The following PRB3 variants were observed in gnomAD, a reference collection of about 807,000 sequenced individuals.
PRB3 encodes proline rich protein BstNI subfamily 3.
PRB3 carries 9 observed loss-of-function variants against 10.0 expected under a neutral mutation model. The ratio of observed to expected loss-of-function variants is 0.90; its 90% CI spans 0.54 to 1.57. PRB3 has a LOEUF of 1.57. PRB3 is among the 40% of genes most tolerant of loss of function. The pLI is 0.00. For missense variants in PRB3, 285 were observed against 385.5 expected (o/e 0.74, Z 2.18); for synonymous variants, 89 against 138.6 (o/e 0.64, Z 2.52).
At chr12:11,269,315 A>G (rs1033921720) in intron 1 of PRB3, among the ~76,000 whole-genome samples, 3 of 152,294 alleles carry the variant, frequency 2.0e-5, no homozygotes, top group African/African-American at 7.2e-5. Flanking sequence ...ACTTTCCTGA[A>G]TCTGCCTTGC....
intron 3 of PRB3, among the ~76,000 whole-genome samples, chr12:11,266,408 C>A (rs770467030): frequency 1.3e-5 from 2 of 152,176 alleles, no homozygotes; most frequent in Non-Finnish European, 2.9e-5. Flanking sequence ...TGCAGCCACA[C>A]AATGGAGTAG....
At chr12:11,268,169 G>C in intron 2 of PRB3, 21 bp from the exon 3 acceptor site, 1 of 1,612,738 alleles carries the variant, frequency 6.2e-7, no homozygotes, top group Non-Finnish European at 8.5e-7. Context: ...TGGACACACG[G>C]CATTCACTGA....
chr12:11,268,172 T>C, intron 2 of PRB3, 24 bp from the exon 3 acceptor site: 1 of 1,613,308 alleles, frequency 6.2e-7, no homozygotes, highest in Middle Eastern at 1.7e-4. Context: ...ACACACGGCA[T>C]TCACTGAATA....
chr12:11,269,679 G>T lies in PRB3; in HGVS notation c.-10C>A, dbSNP rs1045552373. ...GCAGAATCAGTAGCATCTTGCTGGAGGCTCTGGAGTCACTCCCAACTCTGT... is the reference window on the plus strand; with the variant it reads ...GCAGAATCAGTAGCATCTTGCTGGATGCTCTGGAGTCACTCCCAACTCTGT... On this transcript the variant is annotated 5_prime_UTR_variant, in exon 1 of 4. Coordinates refer to ENST00000538488, the MANE Select transcript of PRB3 (RefSeq NM_001394862.1). The T allele has an allele frequency of 3.7e-6, 6 of 1,613,824 alleles. No homozygotes were observed. Among genetic ancestry groups the T allele is most frequent in the Non-Finnish European group, 5.1e-6 (6 of 1,179,898 alleles).
At chr12:11,268,263 T>C in intron 2 of PRB3, 115 bp from the exon 3 acceptor site, 1 of 1,535,192 alleles carries the variant, frequency 6.5e-7, no homozygotes, top group Non-Finnish European at 9.0e-7. Context: ...TCTTTGCATT[T>C]TCAGTGAAGC....
chr12:11,266,800 G>A (rs1321992889), intron 3 of PRB3, among the ~76,000 whole-genome samples: 1 of 152,196 alleles, frequency 6.6e-6, no homozygotes, highest in African/African-American at 2.4e-5. Flanking sequence ...CCATTTGGCA[G>A]GAATACTGGA....
At chr12:11,268,785 T>A in intron 1 of PRB3, 117 bp from the exon 2 acceptor site, 1 of 1,249,576 alleles carries the variant, frequency 8.0e-7, no homozygotes, top group Non-Finnish European at 1.2e-6. Context: ...CTAGGTTAGC[T>A]CATCAGCTAC....
rs61463237 is a variant in PRB3 at position 11,268,159 on chromosome 12, T to TGGG, written c.101-12_101-11insCCC. 1,503,730 of 1,609,710 alleles carry TGGG rather than the reference T, an allele frequency of 0.93. 706,100 individuals are homozygous for TGGG. Among genetic ancestry groups the TGGG allele is most frequent in the Admixed American group, 0.96 (57,579 of 59,870 alleles). ...GTCCTTCTGGCTTTCCTGGAGGAGG[T>TGGG]GGACACACGGCATTCACTGAATAGT... On this transcript the variant is annotated splice_polypyrimidine_tract_variant and intron_variant, in intron 2 of 3. Coordinates refer to ENST00000538488, the MANE Select transcript of PRB3 (RefSeq NM_001394862.1).
At position 11,267,124 on chromosome 12, in the gene PRB3, T is replaced by C. The variant is rs1041323050; in HGVS notation, c.*17+52A>G. 7.3e-6 allele frequency: 11 copies of C among 1,506,880 alleles called. No homozygotes were observed. In the East Asian group the frequency reaches 2.5e-4, roughly 34 times the overall value. 93.3% of individuals were successfully genotyped at this position (1,506,880 alleles called of 1,614,324 possible). ...AGTTGATTCATTGGCACAATAAAGTTGGAGAACTGTAACACTTAGAGCACT... is the reference window on the plus strand; with the variant it reads ...AGTTGATTCATTGGCACAATAAAGTCGGAGAACTGTAACACTTAGAGCACT... On this transcript the variant is annotated intron_variant, in intron 3 of 3. Transcript: ENST00000538488.
chr12:11,268,807 C>G, intron 1 of PRB3, 139 bp from the exon 2 acceptor site: 1 of 1,082,102 alleles, frequency 9.2e-7, no homozygotes, highest in Non-Finnish European at 1.4e-6. Context: ...ATCTGTGAAG[C>G]TGCTGGAAGG....
chr12:11,269,465 G>A, intron 1 of PRB3, 141 bp downstream of exon 1: 6 of 948,386 alleles, frequency 6.3e-6, no homozygotes, highest in Non-Finnish European at 1.0e-5. Flanking sequence ...TGGAATGAGG[G>A]CACAACAGGT....
chr12:11,267,368 T>G lies in PRB3; in HGVS notation c.881A>C (p.Gln294Pro), dbSNP rs749750008. ...GGGACGTTGAGGTTTGTTACCTTCT[T>G]GTGGGGGTGGTCCTTGTGGCTTTCC... ...HPGKPQGPPP[Q>P]EGNKPQRPPP... Residue 294 changes from glutamine (Q) to proline (P), a missense_variant, in exon 3 of 4, where the codon CAA becomes CCA. Around this residue, in one of 3 missense-constraint regions of PRB3, gnomAD observed 108 missense variants for 106.9 expected, o/e 1.01. Transcript: ENST00000538488. 1 of 1,548,752 alleles carries G rather than the reference T, an allele frequency of 6.5e-7. No homozygotes were observed. The highest frequency in any genetic ancestry group is 1.5e-5 in the African/African-American group (1 of 67,036).
rs1361013969 is a variant in PRB3 at position 11,267,267 on chromosome 12, T to C, written c.982A>G (p.Lys328Glu). Residue 328 changes from lysine to glutamate, a missense_variant, in exon 3 of 4, where the codon AAG becomes GAG. By Grantham distance (56) the Lys-to-Glu change is moderately conservative. Transcript: ENST00000538488. The part of the protein sequence containing the change: ...PQQPLPPPAG[K>E]PQGPPPPPQG... ...GGAGGTGGAGGTGGTCCCTGGGGCT[T>C]TCCAGCGGGAGGTGGCAGAGGCTGC... The C allele has an allele frequency of 3.1e-6, 5 of 1,613,412 alleles. No individual in the cohort carries two copies. The highest frequency in any genetic ancestry group is 4.2e-6 in the Non-Finnish European group (5 of 1,179,658).
In PRB3 at chr12:11,267,781, CGGGGG is replaced by C; in HGVS notation, c.463_467del (p.Pro155AlafsTer141). On this transcript the variant is annotated frameshift_variant, in exon 3 of 4. Coordinates refer to ENST00000538488, the MANE Select transcript of PRB3 (RefSeq NM_001394862.1). LOFTEE classifies it low-confidence loss of function (END_TRUNC). ...GTCCTTCTGGCTTTCCCGGACGAGGCGGGGGACCTTGGGACTGGTTTCCTCCTTGT... is the reference window on the plus strand; with the variant it reads ...GTCCTTCTGGCTTTCCCGGACGAGGCACCTTGGGACTGGTTTCCTCCTTGT... 1.3e-5 allele frequency: 2 copies of C among 155,310 alleles called. No homozygotes were observed. The highest frequency in any genetic ancestry group is 7.8e-5 in the South Asian group (2 of 25,526). The allele number at this position is 155,310 out of a possible 1,614,324, so 9.6% of individuals were successfully genotyped here.
chr12:11,268,741 G>A (rs1005893060), intron 1 of PRB3, 73 bp from the exon 2 acceptor site: 27 of 1,507,622 alleles, frequency 1.8e-5, no homozygotes, highest in Non-Finnish European at 2.5e-5. Flanking sequence ...GTTCTACAGG[G>A]AAAGGGGACT....
At chr12:11,267,072 A>G (rs556860265) in intron 3 of PRB3, 104 bp downstream of exon 3, 17 of 1,167,310 alleles carry the variant, frequency 1.5e-5, no homozygotes, top group African/African-American at 3.0e-5. Flanking sequence ...AATGGGTTCT[A>G]GGACAATACA....
chr12:11,268,454 TTGG>T (rs923915842), intron 2 of PRB3, among the ~76,000 whole-genome samples, 176 bp downstream of exon 2: 1 of 152,148 alleles, frequency 6.6e-6, no homozygotes, highest in African/African-American at 2.4e-5. Context: ...GCCATTCAAT[TTGG>T]TGGCCCTGCT....
intron 2 of PRB3, 47 bp downstream of exon 2, chr12:11,268,586 A>C (rs1208804617): frequency 1.9e-6 from 3 of 1,558,308 alleles, no homozygotes; most frequent in Non-Finnish European, 1.8e-6. Context: ...TCCATTCATA[A>C]GCAGAAGAAG....
At chr12:11,268,573 T>C in intron 2 of PRB3, 60 bp downstream of exon 2, 1 of 1,532,626 alleles carries the variant, frequency 6.5e-7, no homozygotes, top group Non-Finnish European at 9.0e-7. Flanking sequence ...ACTGGAGAAC[T>C]GATCCATTCA....
Sources: gnomAD v4.1 joint callset for allele counts (sites outside exome capture counted in the v4.1 genomes callset) on GRCh38, gnomAD v4.1.1 for gene constraint, gnomAD v4.1.1 regional missense constraint, MANE v1.5 for transcripts, NCBI Gene and HGNC (gene_info 2026-07-23, HGNC 2026-07-21) for gene names.